The following DNAH8 variants were observed in gnomAD, a reference collection of about 807,000 sequenced individuals.
The protein encoded by DNAH8 is axonemal beta dynein heavy chain 8.
In DNAH8, 382 loss-of-function variants were observed where a neutral mutation model predicts 562.1. That is an observed-to-expected ratio of 0.68 (90% CI 0.63 to 0.74). DNAH8 has a LOEUF of 0.74. Ranked by LOEUF, DNAH8 falls within the 30% of genes least tolerant of loss-of-function variation. The probability of loss-of-function intolerance (pLI) is 0.00; values close to 1 mark genes in which losing one functional copy is unlikely to be tolerated. For missense variants in DNAH8, 5,203 were observed against 5,620.4 expected (o/e 0.93, Z 2.37); for synonymous variants, 1,881 against 1,919.4 (o/e 0.98, Z 0.52).
chr6:38,779,573 A>C (rs1184689275), intron 14 of DNAH8, among the ~76,000 whole-genome samples: 1 of 152,206 alleles, frequency 6.6e-6, no homozygotes, highest in Admixed American at 6.5e-5. Context: ...TGGAATTAAC[A>C]CTGGCAGAGG....
intron 49 of DNAH8, 33 bp from the exon 50 acceptor site, chr6:38,872,503 T>A: frequency 1.9e-6 from 3 of 1,599,806 alleles, no homozygotes; most frequent in Non-Finnish European, 2.6e-6. Context: ...GACTCATAAA[T>A]TACATATTTT....
intron 8 of DNAH8, among the ~76,000 whole-genome samples, chr6:38,750,162 T>C (rs756418703): frequency 6.6e-6 from 1 of 152,230 alleles, no homozygotes; most frequent in Non-Finnish European, 1.5e-5. Context: ...CTTGACCCAT[T>C]CTTGAAGACC....
At chr6:38,872,509 A>G (rs1195965782) in intron 49 of DNAH8, 27 bp from the exon 50 acceptor site, 1 of 1,600,444 alleles carries the variant, frequency 6.2e-7, no homozygotes, top group East Asian at 2.2e-5. Context: ...TAAATTACAT[A>G]TTTTAATTTA....
chr6:38,912,785 T>G (rs1780997981), intron 66 of DNAH8, among the ~76,000 whole-genome samples: 1 of 152,130 alleles, frequency 6.6e-6, no homozygotes, highest in Admixed American at 6.6e-5. Context: ...ATGCTCAAAC[T>G]CATCCCTTCT....
In DNAH8 at chr6:38,863,997, G is replaced by C. The variant is rs750003404; in HGVS notation, c.6435G>C (p.Gln2145His). Residue 2145 changes from glutamine to histidine, a missense_variant, in exon 45 of 93, where the codon CAG becomes CAC. This residue lies in a region of DNAH8 where 2,176 missense variants were observed against 2,365.1 expected (regional missense o/e 0.92). Coordinates refer to ENST00000327475, the MANE Select transcript of DNAH8 (RefSeq NM_001206927.2). Reference sequence around the variant, plus strand: ...CAGCAAGAAAAGAAAGAAAGAAACAGTTCATTTTTTCTGATGGTGATTGTG... The same window carrying C: ...CAGCAAGAAAAGAAAGAAAGAAACACTTCATTTTTTCTGATGGTGATTGTG... Reference protein sequence around the residue: ...VLTARKERKKQFIFSDGDCVD... With the variant: ...VLTARKERKKHFIFSDGDCVD... 1 of 1,611,234 alleles carries C rather than the reference G, an allele frequency of 6.2e-7. No homozygotes were observed. The highest frequency in any genetic ancestry group is 1.3e-5 in the African/African-American group (1 of 74,928).
At chr6:38,777,987 T>C (rs1287919680) in intron 13 of DNAH8, among the ~76,000 whole-genome samples, 1 of 152,220 alleles carries the variant, frequency 6.6e-6, no homozygotes, top group African/African-American at 2.4e-5. Flanking sequence ...ACATGTCACT[T>C]TAATTTTTCT....
At chr6:38,958,168 A>T (rs1378935745) in intron 82 of DNAH8, among the ~76,000 whole-genome samples, 1 of 148,644 alleles carries the variant, frequency 6.7e-6, no homozygotes, top group East Asian at 2.0e-4. Context: ...CGCCTGACTA[A>T]TTTTTTTTTT....
intron 86 of DNAH8, 144 bp from the exon 87 acceptor site, chr6:38,984,062 A>T: frequency 1.8e-6 from 1 of 551,908 alleles, no homozygotes; most frequent in Non-Finnish European, 3.3e-6. Flanking sequence ...TGAAAGAGTT[A>T]TTAATATAAG....
intron 60 of DNAH8, among the ~76,000 whole-genome samples, chr6:38,897,894 A>C (rs1779808525): frequency 6.6e-6 from 1 of 152,240 alleles, no homozygotes; most frequent in Non-Finnish European, 1.5e-5. Context: ...AGACTTGTGG[A>C]TTTAACTCCA....
At chr6:38,774,528 T>C (rs1368290120) in intron 12 of DNAH8, among the ~76,000 whole-genome samples, 1 of 152,290 alleles carries the variant, frequency 6.6e-6, no homozygotes, top group East Asian at 1.9e-4. Flanking sequence ...GGACAGAGGG[T>C]ACACTGGCTA....
chr6:38,832,605 A>G (rs374741907), intron 31 of DNAH8, among the ~76,000 whole-genome samples, 170 bp downstream of exon 31: 12 of 152,344 alleles, frequency 7.9e-5, no homozygotes, highest in African/African-American at 1.9e-4. Flanking sequence ...GGGATGTCCA[A>G]TCTTTTGGCT....
chr6:38,818,508 C>T (rs1365073663), intron 26 of DNAH8, among the ~76,000 whole-genome samples: 1 of 74,558 alleles, frequency 1.3e-5, no homozygotes, highest in Non-Finnish European at 2.6e-5. Context: ...AGGTTGTAGT[C>T]TTCCAAAATA....
Position 38,834,580 on chromosome 6 carries a change from A to G in DNAH8, c.4304A>G (p.Glu1435Gly). The G allele has an allele frequency of 1.9e-6, 3 of 1,587,088 alleles. No homozygotes were observed. The highest frequency in any genetic ancestry group is 2.6e-6 in the Non-Finnish European group (3 of 1,165,744). ...VINFAEAYEL[E>G]GPMVPNIPPQ... Reference sequence around the variant, plus strand: ...TGGAGATTATATTCTTCCTTACAGGAAGGACCTATGGTTCCAAATATACCA... The same window carrying G: ...TGGAGATTATATTCTTCCTTACAGGGAGGACCTATGGTTCCAAATATACCA... Residue 1435 changes from glutamate to glycine, a missense_variant and splice_region_variant, in exon 32 of 93, where the codon GAA (glutamate) becomes GGA (glycine). Glu to Gly is a moderately conservative substitution (Grantham distance 98). Transcript: ENST00000327475.
chr6:38,852,624 A>G lies in DNAH8; in HGVS notation c.5467-70A>G, dbSNP rs1042432582. 27 of 1,075,162 alleles carry G rather than the reference A, an allele frequency of 2.5e-5. 1 individual carries two copies. In the Middle Eastern group the frequency reaches 8.3e-4, roughly 33 times the overall value. 66.6% of individuals were successfully genotyped at this position (1,075,162 alleles called of 1,614,324 possible). ...ACCTTTTAAAAAGATACAAAATATT[A>G]AGGCTTTTAAAAACATCTCAGCGGC... On this transcript the variant is annotated intron_variant, in intron 39 of 92. Coordinates refer to ENST00000327475, the MANE Select transcript of DNAH8 (RefSeq NM_001206927.2).
intron 11 of DNAH8, among the ~76,000 whole-genome samples, chr6:38,762,460 C>T (rs1562692254): frequency 6.6e-6 from 1 of 152,138 alleles, no homozygotes; most frequent in African/African-American, 2.4e-5. Flanking sequence ...AAAAAACACT[C>T]AAATTCAGTT....
intron 44 of DNAH8, among the ~76,000 whole-genome samples, chr6:38,863,018 C>G (rs1776754179): frequency 6.6e-6 from 1 of 152,178 alleles, no homozygotes. Flanking sequence ...TAAATGCCAT[C>G]TGTATGATGA....
chr6:38,955,619 A>T (rs1029627062), intron 82 of DNAH8, among the ~76,000 whole-genome samples: 81 of 152,140 alleles, frequency 5.3e-4, no homozygotes, highest in Non-Finnish European at 1.5e-5. Flanking sequence ...TGACAGAGTG[A>T]GACTCCATCT....
chr6:38,740,839 T>C (rs1385124823), intron 7 of DNAH8, among the ~76,000 whole-genome samples: 4 of 152,200 alleles, frequency 2.6e-5, no homozygotes, highest in Non-Finnish European at 5.9e-5. Context: ...GATCTTGAAC[T>C]CCTGGGCTCA....
In DNAH8 at chr6:38,789,788, T is replaced by C; in HGVS notation, c.2584-15T>C. On this transcript the variant is annotated splice_polypyrimidine_tract_variant and intron_variant, in intron 18 of 92. Coordinates refer to ENST00000327475, the MANE Select transcript of DNAH8 (RefSeq NM_001206927.2). Reference sequence around the variant, plus strand: ...AATGAATTAAAATAAAACATGCCATTTCAACTTCCTACAGGGTCTTCTGCA... The same window carrying C: ...AATGAATTAAAATAAAACATGCCATCTCAACTTCCTACAGGGTCTTCTGCA... 6.3e-7 allele frequency: 1 copy of C among 1,578,766 alleles called. No individual in the cohort carries two copies. Among genetic ancestry groups the C allele is most frequent in the Non-Finnish European group, 8.6e-7 (1 of 1,159,410 alleles).
Sources: gnomAD v4.1 joint callset for allele counts (sites outside exome capture counted in the v4.1 genomes callset) on GRCh38, gnomAD v4.1.1 for gene constraint, gnomAD v4.1.1 regional missense constraint, MANE v1.5 for transcripts, NCBI Gene and HGNC (gene_info 2026-07-23, HGNC 2026-07-21) for gene names.